BNC2: variants seen among roughly 807,000 people sequenced by gnomAD.
BNC2 encodes basonuclin zinc finger protein 2.
BNC2 carries 20 observed loss-of-function variants against 76.3 expected under a neutral mutation model. That is an observed-to-expected ratio of 0.26 (90% CI 0.18 to 0.38). The LOEUF is 0.38. Ranked by LOEUF, BNC2 falls within the 10% of genes least tolerant of loss-of-function variation. BNC2 has a pLI of 1.00. For missense variants in BNC2, 1,382 were observed against 1,399.8 expected (o/e 0.99, Z 0.20); for synonymous variants, 582 against 514.8 (o/e 1.13, Z -1.77).
chr9:16,569,606 A>C (rs1819263845), intron 4 of BNC2, among the ~76,000 whole-genome samples: 2 of 152,212 alleles, frequency 1.3e-5, no homozygotes, highest in African/African-American at 4.8e-5. Context: ...TCGGTTGTTC[A>C]GAAGCTCTCT....
At chr9:16,832,241 T>G (rs894120825) in intron 1 of BNC2, 5 of 1,260,094 alleles carry the variant, frequency 4.0e-6, no homozygotes, top group Admixed American at 2.4e-5. Flanking sequence ...TGTAGTTAAA[T>G]ACCAGTAGAA....
rs1167355332 is a variant in BNC2 at position 16,507,440 on chromosome 9, G to GT, written c.669+45089dup. ...ACACCTAGCTCATTTTTTTCCTTTG[G>GT]TTTTTTGAGACGAAGTCTCACTCTG... On this transcript the variant is annotated intron_variant, in intron 5 of 6. Transcript: ENST00000380672. Among the ~76,000 whole-genome samples, 8 of 151,382 alleles carry GT rather than the reference G, an allele frequency of 5.3e-5. No individual in the cohort carries two copies. In the East Asian group the frequency reaches 9.8e-4, roughly 19 times the overall value.
At chr9:16,620,037 T>C (rs1035654040) in intron 3 of BNC2, among the ~76,000 whole-genome samples, 3 of 152,078 alleles carry the variant, frequency 2.0e-5, no homozygotes, top group African/African-American at 7.2e-5. Flanking sequence ...AAGATCAGGC[T>C]CCAAACAAAA....
At chr9:16,627,435 G>A (rs1387243135) in intron 3 of BNC2, among the ~76,000 whole-genome samples, 1 of 144,560 alleles carries the variant, frequency 6.9e-6, no homozygotes, top group African/African-American at 2.4e-5. Context: ...CTGTGCAGTT[G>A]TAAAATATTC....
intron 5 of BNC2, among the ~76,000 whole-genome samples, chr9:16,528,167 T>C (rs1292667914): frequency 6.6e-6 from 1 of 152,214 alleles, no homozygotes; most frequent in African/African-American, 2.4e-5. Flanking sequence ...CAATTTTGAA[T>C]AATTATTACT....
chr9:16,661,253 C>A (rs1370202044), intron 3 of BNC2, among the ~76,000 whole-genome samples: 1 of 152,080 alleles, frequency 6.6e-6, no homozygotes, highest in East Asian at 1.9e-4. Context: ...AACAAAAAAA[C>A]CCTAGGTTTT....
rs374143090 is a variant in BNC2, at chr9:16,694,369, A to G, written c.330+33428T>C. ...ATTAAACCAATTATGATTTTAAAAA[A>G]AAGTTTCAGTAGCATACACAGTTTA... On this transcript the variant is annotated intron_variant, in intron 3 of 6. Transcript: ENST00000380672. Among the ~76,000 whole-genome samples, 265 of 152,312 alleles carry G rather than the reference A, an allele frequency of 1.7e-3. 2 individuals are homozygous for G. The highest frequency in any genetic ancestry group is 0.017 in the Middle Eastern group (5 of 294).
chr9:16,646,822 G>T (rs1821641675), intron 3 of BNC2, among the ~76,000 whole-genome samples: 1 of 152,070 alleles, frequency 6.6e-6, no homozygotes, highest in Admixed American at 6.6e-5. Flanking sequence ...AGAAGAAAAG[G>T]TCACAAAGGG....
intron 3 of BNC2, among the ~76,000 whole-genome samples, chr9:16,637,971 T>C (rs191756245): frequency 2.9e-4 from 44 of 152,352 alleles, no homozygotes; most frequent in Admixed American, 1.3e-3. Flanking sequence ...GAAATATACT[T>C]AGGTGTGGCT....
intron 3 of BNC2, among the ~76,000 whole-genome samples, chr9:16,682,095 A>G (rs755300085): frequency 3.3e-5 from 5 of 151,938 alleles, no homozygotes; most frequent in Non-Finnish European, 7.4e-5. Flanking sequence ...TGAAGGAAAC[A>G]ACCTTTTTTT....
rs1266493996 is a variant in BNC2 at position 16,754,322 on chromosome 9, A to G, written c.4-15837T>C. Among the ~76,000 whole-genome samples the G allele has an allele frequency of 7.9e-5, 12 of 152,126 alleles. No individual in the cohort carries two copies. In the East Asian group the frequency reaches 2.3e-3, roughly 29 times the overall value. On this transcript the variant is annotated intron_variant, in intron 1 of 6. Coordinates refer to ENST00000380672, the MANE Select transcript of BNC2 (RefSeq NM_017637.6). The stretch of plus-strand genomic sequence containing the variant: ...AGAGTTCCCTAAAGTGTCTCTGGAT[A>G]AGAACCTTTGCCTCCTCCACCAAGT...
intron 5 of BNC2, among the ~76,000 whole-genome samples, chr9:16,511,284 AT>A (rs1194319824): frequency 2.0e-5 from 3 of 151,206 alleles, no homozygotes; most frequent in Non-Finnish European, 4.4e-5. Context: ...TGGTTTTTAA[AT>A]TTTTTTGTAA....
intron 1 of BNC2, among the ~76,000 whole-genome samples, chr9:16,774,643 A>C (rs1249672634): frequency 6.6e-6 from 1 of 152,252 alleles, no homozygotes; most frequent in Non-Finnish European, 1.5e-5. Context: ...AGCATTTCTT[A>C]ATCAAGATAT....
chr9:16,616,285 G>C (rs1271198111), intron 3 of BNC2, among the ~76,000 whole-genome samples: 1 of 152,096 alleles, frequency 6.6e-6, no homozygotes, highest in Non-Finnish European at 1.5e-5. Context: ...CCAGCTCCTT[G>C]GGAGGCTGAG....
chr9:16,809,722 G>A (rs1818000054), intron 1 of BNC2, among the ~76,000 whole-genome samples: 1 of 151,992 alleles, frequency 6.6e-6, no homozygotes, highest in Non-Finnish European at 1.5e-5. Context: ...AGGATGCAGT[G>A]AGCTGAGAGC....
chr9:16,851,909 A>G (rs1406810646), intron 1 of BNC2, among the ~76,000 whole-genome samples: 2 of 152,308 alleles, frequency 1.3e-5, no homozygotes, highest in East Asian at 3.9e-4. Flanking sequence ...CCTGAACTGA[A>G]GAGACTTGTA....
intron 5 of BNC2, among the ~76,000 whole-genome samples, chr9:16,511,302 G>C (rs896591068): frequency 6.6e-6 from 1 of 151,378 alleles, no homozygotes; most frequent in Non-Finnish European, 1.5e-5. Context: ...GTAAAGAAAG[G>C]GTCTTGCTAT....
chr9:16,542,543 T>C (rs1818356440), intron 5 of BNC2, among the ~76,000 whole-genome samples: 1 of 152,192 alleles, frequency 6.6e-6, no homozygotes, highest in Admixed American at 6.6e-5. Flanking sequence ...GTTAGCCACA[T>C]CTTTAAAATC....
intron 5 of BNC2, among the ~76,000 whole-genome samples, chr9:16,468,651 A>T (rs1431829672): frequency 6.6e-6 from 1 of 152,048 alleles, no homozygotes; most frequent in African/African-American, 2.4e-5. Flanking sequence ...TCGGCCTCCC[A>T]AAGTGCTGGG....
Sources: gnomAD v4.1 joint callset for allele counts (sites outside exome capture counted in the v4.1 genomes callset) on GRCh38, gnomAD v4.1.1 for gene constraint, MANE v1.5 for transcripts, NCBI Gene and HGNC (gene_info 2026-07-23, HGNC 2026-07-21) for gene names.